CRISPLD2: variants seen among roughly 807,000 people sequenced by gnomAD.
CRISPLD2 encodes the protein cysteine-rich secretory protein LCCL domain-containing 2.
In CRISPLD2, 47 loss-of-function variants were observed where a neutral mutation model predicts 71.1. The observed-to-expected ratio is 0.66, with a 90% CI of 0.52 to 0.84. CRISPLD2 has a LOEUF of 0.84. CRISPLD2 is among the 40% of genes least tolerant of loss of function. The pLI is 0.00. For missense variants in CRISPLD2, 830 were observed against 651.1 expected, an observed-to-expected ratio of 1.27 and a Z score of -2.99; for synonymous variants, 317 against 250.1, an observed-to-expected ratio of 1.27 and a Z score of -2.52.
At chr16:84,858,092 T>A (rs903553177) in intron 6 of CRISPLD2, among the ~76,000 whole-genome samples, 6 of 152,174 alleles carry the variant, frequency 3.9e-5, no homozygotes, top group Non-Finnish European at 5.9e-5. Flanking sequence ...GGCAGGGCCT[T>A]ACTCCAAAAT....
chr16:84,890,403 G>C (rs1391944516), intron 14 of CRISPLD2, among the ~76,000 whole-genome samples: 1 of 151,896 alleles, frequency 6.6e-6, no homozygotes, highest in Non-Finnish European at 1.5e-5. Context: ...GCAAATGAGG[G>C]TTATGTTGAT....
rs138389273 is a variant in CRISPLD2, at chr16:84,907,380, A to C, written c.*738A>C. The C allele has an allele frequency of 1.2e-4, 18 of 152,612 alleles. No individual in the cohort carries two copies. The highest frequency in any genetic ancestry group is 4.3e-4 in the African/African-American group (18 of 41,586). 9.5% of individuals were successfully genotyped at this position (152,612 alleles called of 1,614,324 possible). ...TGTCTTTGTCAGGCCCTTCGTCTTC[A>C]TGGCCCACCTGTTTTCTGCCGTGAC... On this transcript the variant is annotated 3_prime_UTR_variant, in exon 15 of 15. Coordinates refer to ENST00000262424, the MANE Select transcript of CRISPLD2 (RefSeq NM_031476.4).
At chr16:84,841,091 C>G (rs1029294783) in intron 2 of CRISPLD2, among the ~76,000 whole-genome samples, 1 of 152,088 alleles carries the variant, frequency 6.6e-6, no homozygotes, top group Non-Finnish European at 1.5e-5. Flanking sequence ...CCTGGATTCC[C>G]GGAAGAGGCA....
chr16:84,875,877 G>A (rs1199314839), intron 11 of CRISPLD2, among the ~76,000 whole-genome samples: 1 of 151,918 alleles, frequency 6.6e-6, no homozygotes, highest in African/African-American at 2.4e-5. Context: ...GGACACCCTT[G>A]CTTTAAATGT....
intron 14 of CRISPLD2, among the ~76,000 whole-genome samples, chr16:84,890,402 G>A (rs766829491): frequency 7.2e-5 from 11 of 151,864 alleles, no homozygotes; most frequent in African/African-American, 2.7e-4. Flanking sequence ...TGCAAATGAG[G>A]GTTATGTTGA....
At chr16:84,865,331 T>C (rs1597465939) in intron 6 of CRISPLD2, among the ~76,000 whole-genome samples, 1 of 152,154 alleles carries the variant, frequency 6.6e-6, no homozygotes, top group Non-Finnish European at 1.5e-5. Context: ...AATTTTTGTA[T>C]TTTTAGTAGA....
intron 2 of CRISPLD2, among the ~76,000 whole-genome samples, chr16:84,841,127 TGAA>T (rs1916759374): frequency 6.6e-6 from 1 of 152,128 alleles, no homozygotes; most frequent in African/African-American, 2.4e-5. Context: ...CAGAGTTAGA[TGAA>T]GAAATACGGG....
chr16:84,835,309 C>T (rs181820371), intron 1 of CRISPLD2, among the ~76,000 whole-genome samples: 19 of 152,166 alleles, frequency 1.2e-4, no homozygotes, highest in African/African-American at 3.4e-4. Flanking sequence ...AGGCTGGTGT[C>T]GAACTTCTCA....
At chr16:84,856,480 C>G (rs1194536805) in intron 6 of CRISPLD2, among the ~76,000 whole-genome samples, 1 of 152,178 alleles carries the variant, frequency 6.6e-6, no homozygotes, top group Non-Finnish European at 1.5e-5. Context: ...GTTCCTCCCT[C>G]TGGAACTAAG....
At chr16:84,893,752 C>T in intron 14 of CRISPLD2, among the ~76,000 whole-genome samples, 1 of 152,180 alleles carries the variant, frequency 6.6e-6, no homozygotes, top group Non-Finnish European at 1.5e-5. Flanking sequence ...GTGGCCATGC[C>T]CTGTCCTTTC....
At chr16:84,826,379 G>A (rs1220388224) in intron 1 of CRISPLD2, among the ~76,000 whole-genome samples, 3 of 152,238 alleles carry the variant, frequency 2.0e-5, no homozygotes, top group Non-Finnish European at 4.4e-5. Context: ...ATGCTCCAGG[G>A]CCTGAGTCAG....
At chr16:84,874,593 C>T (rs2071502384) in intron 11 of CRISPLD2, among the ~76,000 whole-genome samples, 1 of 152,202 alleles carries the variant, frequency 6.6e-6, no homozygotes, top group South Asian at 2.1e-4. Flanking sequence ...CAGCTTCCTC[C>T]CCGGAGCTCT....
chr16:84,893,891 G>T (rs2071683628), intron 14 of CRISPLD2, among the ~76,000 whole-genome samples: 1 of 152,220 alleles, frequency 6.6e-6, no homozygotes, highest in Non-Finnish European at 1.5e-5. Flanking sequence ...GTCCCTGACG[G>T]CTGGTAAGCC....
rs1184290108 is a variant in CRISPLD2, at chr16:84,906,953, T to G, written c.*311T>G. ...AGGGGACAGTTGCCCAAAATGTTCCTTGCTATGTGTTCTTCTGTTGGTGGA... is the reference window on the plus strand; with the variant it reads ...AGGGGACAGTTGCCCAAAATGTTCCGTGCTATGTGTTCTTCTGTTGGTGGA... On this transcript the variant is annotated 3_prime_UTR_variant, in exon 15 of 15. Coordinates refer to ENST00000262424, the MANE Select transcript of CRISPLD2 (RefSeq NM_031476.4). The G allele has an allele frequency of 2.2e-5, 9 of 413,096 alleles. No homozygotes were observed. In the East Asian group the frequency reaches 4.1e-4, roughly 19 times the overall value. The allele number at this position is 413,096 out of a possible 1,614,324, so 25.6% of individuals were successfully genotyped here.
chr16:84,893,258 G>T (rs372651362), intron 14 of CRISPLD2, among the ~76,000 whole-genome samples: 16 of 152,258 alleles, frequency 1.1e-4, no homozygotes, highest in South Asian at 6.2e-4. Flanking sequence ...AGAGGTGTGT[G>T]TCCAGCCCTC....
chr16:84,878,907 A>G (rs2071544285), intron 12 of CRISPLD2, among the ~76,000 whole-genome samples: 1 of 152,250 alleles, frequency 6.6e-6, no homozygotes, highest in South Asian at 2.1e-4. Flanking sequence ...TGACAGTCCC[A>G]GGACCCTGGG....
chr16:84,858,922 G>A (rs1368802017), intron 6 of CRISPLD2, among the ~76,000 whole-genome samples: 27 of 152,194 alleles, frequency 1.8e-4, no homozygotes, highest in Non-Finnish European at 7.3e-5. Context: ...TTAAGCTTGC[G>A]ATAATCCACT....
intron 1 of CRISPLD2, among the ~76,000 whole-genome samples, chr16:84,833,081 G>C (rs777099669): frequency 1.8e-4 from 28 of 152,234 alleles, no homozygotes; most frequent in Non-Finnish European, 3.5e-4. Context: ...TAGCCACACA[G>C]TCTCCTAAAT....
intron 11 of CRISPLD2, 127 bp from the exon 12 acceptor site, chr16:84,877,311 C>T: frequency 1.3e-6 from 1 of 782,324 alleles, no homozygotes; most frequent in Non-Finnish European, 2.1e-6. Flanking sequence ...GGGTCGTAGT[C>T]CCAGCTCTAT....
Sources: allele counts gnomAD v4.1 joint callset (sites outside exome capture counted in the v4.1 genomes callset), GRCh38; gene constraint gnomAD v4.1.1; transcripts MANE v1.5; gene names NCBI Gene and HGNC (gene_info 2026-07-23, HGNC 2026-07-21).